ALK: variants seen among roughly 807,000 people sequenced by gnomAD.
The protein encoded by ALK is ALK receptor tyrosine kinase, also known as ALK tyrosine kinase receptor.
In ALK, 74 loss-of-function variants were observed where a neutral mutation model predicts 163.1. That is an observed-to-expected ratio of 0.45 (90% CI 0.38 to 0.55). The LOEUF is 0.55. Among genes scored for constraint, ALK ranks in the 20% least tolerant of loss-of-function variants. The pLI, the probability that ALK is intolerant of heterozygous loss-of-function variation, is 0.00. For synonymous variants in ALK, 960 were observed against 843.2 expected (o/e 1.14, Z -2.40); for missense variants, 2,063 against 2,105.3 (o/e 0.98, Z 0.39).
At chr2:29,580,126 T>G (rs548817191) in intron 3 of ALK, among the ~76,000 whole-genome samples, 2 of 152,154 alleles carry the variant, frequency 1.3e-5, no homozygotes, top group African/African-American at 2.4e-5. Flanking sequence ...GTCGGTTTTA[T>G]GCATATGTCC....
chr2:29,343,256 T>G (rs1667852422), intron 5 of ALK, among the ~76,000 whole-genome samples: 1 of 148,962 alleles, frequency 6.7e-6, no homozygotes, highest in Non-Finnish European at 1.5e-5. Context: ...TCATCCAGGC[T>G]GGAGTGCAGT....
intron 3 of ALK, among the ~76,000 whole-genome samples, chr2:29,590,497 T>G (rs965073010): frequency 9.2e-5 from 14 of 152,144 alleles, no homozygotes; most frequent in Non-Finnish European, 5.9e-5. Flanking sequence ...AAACCCAGTG[T>G]TATTAAGAAA....
intron 1 of ALK, among the ~76,000 whole-genome samples, chr2:29,842,178 A>T (rs990839325): frequency 6.6e-6 from 1 of 152,176 alleles, no homozygotes; most frequent in African/African-American, 2.4e-5. Context: ...GTGATAGGTT[A>T]AATATGGCAG....
intron 2 of ALK, among the ~76,000 whole-genome samples, chr2:29,706,975 A>ATG (rs766564449): frequency 0.16 from 16,268 of 102,536 alleles, 1,574 homozygotes; most frequent in Non-Finnish European, 0.2. Flanking sequence ...CTCATGCAGA[A>ATG]TGTGTGTGTG....
chr2:29,844,980 G>A (rs987487455), intron 1 of ALK, among the ~76,000 whole-genome samples: 1 of 151,762 alleles, frequency 6.6e-6, no homozygotes, highest in African/African-American at 2.4e-5. Flanking sequence ...GCTTATCACT[G>A]GGGGTTCCGG....
chr2:29,384,918 G>T (rs981859441), intron 4 of ALK, among the ~76,000 whole-genome samples: 2 of 152,074 alleles, frequency 1.3e-5, no homozygotes, highest in Non-Finnish European at 1.5e-5. Context: ...GGGTATGGTG[G>T]TGCACACCTG....
At chr2:29,675,300 A>C (rs1677839276) in intron 3 of ALK, among the ~76,000 whole-genome samples, 2 of 152,010 alleles carry the variant, frequency 1.3e-5, no homozygotes, top group Admixed American at 1.3e-4. Flanking sequence ...TGGCCAGTTC[A>C]CTGTTGATGC....
intron 3 of ALK, among the ~76,000 whole-genome samples, chr2:29,546,585 C>T (rs1673560411): frequency 6.6e-6 from 1 of 152,136 alleles, no homozygotes; most frequent in South Asian, 2.1e-4. Flanking sequence ...GGAACAAAAC[C>T]CACTAGAGAG....
rs183304358 is a variant in ALK, at chr2:29,600,242, T to C, written c.953-68126A>G. 1.3e-4 allele frequency among the ~76,000 whole-genome samples: 20 copies of C among 152,242 alleles called. 1 individual carries two copies. Among genetic ancestry groups the C allele is most frequent in the Middle Eastern group, 3.4e-3 (1 of 294 alleles). ...CTCATAAACCAAAAATTCTCAAGCC[T>C]GTGGGAGAGTAACACCACAAAAGGC... On this transcript the variant is annotated intron_variant, in intron 3 of 28. Coordinates refer to ENST00000389048, the MANE Select transcript of ALK (RefSeq NM_004304.5).
At chr2:29,899,468 G>C (rs1369944701) in intron 1 of ALK, 1 of 152,266 alleles carries the variant, frequency 6.6e-6, no homozygotes, top group Non-Finnish European at 1.5e-5. Flanking sequence ...TCTTGAGCTT[G>C]TAATGTTGCA....
chr2:29,315,701 A>G (rs1280751306), intron 8 of ALK, among the ~76,000 whole-genome samples: 1 of 152,216 alleles, frequency 6.6e-6, no homozygotes, highest in African/African-American at 2.4e-5. Context: ...TGAAACACAG[A>G]ACTACTGGTT....
At chr2:29,387,797 C>T (rs1669068290) in intron 4 of ALK, among the ~76,000 whole-genome samples, 1 of 152,152 alleles carries the variant, frequency 6.6e-6, no homozygotes, top group Non-Finnish European at 1.5e-5. Context: ...GTTTCACCCT[C>T]CTTGGAGAAG....
chr2:29,468,350 A>C (rs915097040), intron 4 of ALK, among the ~76,000 whole-genome samples: 13 of 152,158 alleles, frequency 8.5e-5, no homozygotes, highest in African/African-American at 2.9e-4. Context: ...AGTGTAAAGG[A>C]GTCCTGAGAT....
At chr2:29,850,947 G>T (rs573684591) in intron 1 of ALK, among the ~76,000 whole-genome samples, 2 of 152,192 alleles carry the variant, frequency 1.3e-5, no homozygotes, top group African/African-American at 4.8e-5. Flanking sequence ...ACCCTTCACC[G>T]GTGCCGGTGT....
intron 1 of ALK, among the ~76,000 whole-genome samples, chr2:29,902,120 A>T (rs971242314): frequency 6.6e-6 from 1 of 152,208 alleles, no homozygotes; most frequent in African/African-American, 2.4e-5. Flanking sequence ...CTGACTTCTT[A>T]CATGAGTTCT....
chr2:29,845,028 A>G (rs1011536161), intron 1 of ALK, among the ~76,000 whole-genome samples: 2 of 151,818 alleles, frequency 1.3e-5, no homozygotes, highest in African/African-American at 4.8e-5. Flanking sequence ...TTCATAACCA[A>G]CCCAGTCTCA....
chr2:29,884,175 T>TA (rs964644910), intron 1 of ALK, among the ~76,000 whole-genome samples: 1 of 151,954 alleles, frequency 6.6e-6, no homozygotes, highest in Non-Finnish European at 1.5e-5. Context: ...ATCTTCATGT[T>TA]AAAAAAAACA....
chr2:29,858,570 T>C (rs1243854773), intron 1 of ALK, among the ~76,000 whole-genome samples: 1 of 139,566 alleles, frequency 7.2e-6, no homozygotes, highest in Non-Finnish European at 1.6e-5. Flanking sequence ...CCGTCTCTAC[T>C]AAAAATACAA....
chr2:29,391,452 C>A lies in ALK; in HGVS notation c.1155-7593G>T, dbSNP rs190371970. Among the ~76,000 whole-genome samples the A allele has an allele frequency of 2.6e-5, 4 of 152,148 alleles. No individual in the cohort carries two copies. The East Asian group carries it at 7.8e-4, about 30-fold the overall frequency. ...AGTAGCTGGGATTATAGGTGTGCGC[C>A]ATCATGCCCAGCTAATTTTTGTATT... On this transcript the variant is annotated intron_variant, in intron 4 of 28. Coordinates refer to ENST00000389048, the MANE Select transcript of ALK (RefSeq NM_004304.5).
Sources: allele counts gnomAD v4.1 joint callset (sites outside exome capture counted in the v4.1 genomes callset), GRCh38; gene constraint gnomAD v4.1.1; transcripts MANE v1.5; gene names NCBI Gene and HGNC (gene_info 2026-07-23, HGNC 2026-07-21).